The following FTO variants were observed in gnomAD, a reference collection of about 807,000 sequenced individuals.
FTO encodes the protein alpha-ketoglutarate-dependent dioxygenase FTO.
A neutral mutation model predicts 63.9 loss-of-function variants in FTO; 47 were observed. That is an observed-to-expected ratio of 0.74 (90% confidence interval 0.58 to 0.94). The LOEUF is 0.94. FTO is among the 40% of genes least tolerant of loss of function. FTO has a pLI of 0.00. For missense variants in FTO, 562 were observed against 618.1 expected, an observed-to-expected ratio of 0.91 and a Z score of 0.96; for synonymous variants, 207 against 224.4, an observed-to-expected ratio of 0.92 and a Z score of 0.69.
intron 1 of FTO, among the ~76,000 whole-genome samples, chr16:53,770,704 A>C (rs981838658): frequency 1.3e-5 from 2 of 152,112 alleles, no homozygotes; most frequent in African/African-American, 4.8e-5. Context: ...ATCCAAGAAC[A>C]TGAATGATAC....
chr16:53,789,377 TGTGA>T (rs1439478206), intron 1 of FTO, among the ~76,000 whole-genome samples: 2 of 152,248 alleles, frequency 1.3e-5, no homozygotes, highest in Admixed American at 6.5e-5. Context: ...TTAGACTTAA[TGTGA>T]GTAAGATTCC....
chr16:54,091,397 G>A (rs1173128926), intron 8 of FTO, among the ~76,000 whole-genome samples: 6 of 152,052 alleles, frequency 3.9e-5, no homozygotes, highest in South Asian at 2.1e-4. Context: ...AAAATAAGCC[G>A]GAAATGGTGG....
intron 7 of FTO, among the ~76,000 whole-genome samples, chr16:53,896,190 G>T (rs1644204096): frequency 6.6e-6 from 1 of 152,160 alleles, no homozygotes; most frequent in Admixed American, 6.5e-5. Flanking sequence ...GCTTTGACTA[G>T]CAGACTATCA....
rs1267596410 is a variant in FTO at position 54,029,611 on chromosome 16, TA to T, written c.1365-82145del. 2.0e-5 allele frequency among the ~76,000 whole-genome samples: 3 copies of T among 152,148 alleles called. No individual in the cohort carries two copies. The East Asian group carries it at 5.8e-4, about 29-fold the overall frequency. On this transcript the variant is annotated intron_variant, in intron 8 of 8. Coordinates refer to ENST00000471389, the MANE Select transcript of FTO (RefSeq NM_001080432.3). The stretch of plus-strand genomic sequence containing the variant: ...TAAAACATTCTTTGGAAAGATCTTT[TA>T]AAAAATAAGAGGTGTATGTATTTAT...
intron 1 of FTO, among the ~76,000 whole-genome samples, chr16:53,730,560 T>TC (rs2076250068): frequency 6.6e-6 from 1 of 152,088 alleles, no homozygotes; most frequent in Non-Finnish European, 1.5e-5. Context: ...AGTGGCACGA[T>TC]CATGGCTCAC....
intron 8 of FTO, among the ~76,000 whole-genome samples, chr16:54,100,596 G>T (rs1011654557): frequency 1.3e-5 from 2 of 152,090 alleles, no homozygotes; most frequent in Admixed American, 1.3e-4. Context: ...CTTACTATCT[G>T]CCTGCCTCAG....
intron 8 of FTO, among the ~76,000 whole-genome samples, chr16:53,973,268 C>CCCCTTGTCGGACATGGAGCCGT (rs1420872815): frequency 6.6e-6 from 1 of 152,214 alleles, no homozygotes; most frequent in Non-Finnish European, 1.5e-5. Context: ...CAGATGCTCT[C>CCCCTTGTCGGACATGGAGCCGT]CCCTTGTCGG....
intron 2 of FTO, among the ~76,000 whole-genome samples, chr16:53,811,354 A>G (rs145106296): frequency 6.6e-6 from 1 of 152,318 alleles, no homozygotes; most frequent in East Asian, 1.9e-4. Context: ...TTGTATCTCT[A>G]GCACCTGCAT....
intron 8 of FTO, among the ~76,000 whole-genome samples, chr16:54,038,931 C>T (rs2144262587): frequency 6.6e-6 from 1 of 152,352 alleles, no homozygotes; most frequent in Admixed American, 6.5e-5. Flanking sequence ...AATACATCAT[C>T]TGACTTTGAA....
chr16:53,712,405 C>G (rs1024341663), intron 1 of FTO, among the ~76,000 whole-genome samples: 2 of 152,030 alleles, frequency 1.3e-5, no homozygotes, highest in African/African-American at 4.8e-5. Context: ...TTTGCTTAAT[C>G]TCTCCTTCAA....
intron 1 of FTO, among the ~76,000 whole-genome samples, chr16:53,729,483 A>G (rs540949241): frequency 6.7e-6 from 1 of 149,284 alleles, no homozygotes; most frequent in East Asian, 2.0e-4. Context: ...AGCCTGCGTG[A>G]CAGACTGAGA....
intron 8 of FTO, among the ~76,000 whole-genome samples, chr16:54,062,798 A>G (rs1370802289): frequency 6.6e-6 from 1 of 152,214 alleles, no homozygotes; most frequent in South Asian, 2.1e-4. Context: ...GAATCCATAA[A>G]GACAGATAAG....
At chr16:54,010,930 G>A (rs1470609140) in intron 8 of FTO, among the ~76,000 whole-genome samples, 2 of 152,176 alleles carry the variant, frequency 1.3e-5, no homozygotes, top group African/African-American at 4.8e-5. Flanking sequence ...CCTCTGGTAT[G>A]TGCATCCCCG....
intron 2 of FTO, among the ~76,000 whole-genome samples, chr16:53,815,636 G>GTTTTTTTTTTTTTTTTTTTTTTTTT (rs556357629): frequency 3.1e-5 from 3 of 98,184 alleles, no homozygotes; most frequent in African/African-American, 1.6e-4. Context: ...TGACTTTCTT[G>GTTTTTTTTTTTTTTTTTTTTTTTTT]TTTTTTTTTT....
At chr16:53,904,098 A>G (rs1324618681) in intron 7 of FTO, among the ~76,000 whole-genome samples, 1 of 151,940 alleles carries the variant, frequency 6.6e-6, no homozygotes, top group East Asian at 1.9e-4. Context: ...ATGTATATAC[A>G]TATACATATA....
chr16:53,979,059 ATTAGAAATATT>A (rs2083486251), intron 8 of FTO, among the ~76,000 whole-genome samples: 1 of 152,176 alleles, frequency 6.6e-6, no homozygotes, highest in African/African-American at 2.4e-5. Flanking sequence ...TTTGGTTATG[ATTAGAAATATT>A]TCTGTTTTTA....
At chr16:54,015,792 G>A (rs143984838) in intron 8 of FTO, among the ~76,000 whole-genome samples, 4,210 of 152,276 alleles carry the variant, frequency 0.028, 89 homozygotes, top group Middle Eastern at 0.078. Flanking sequence ...GCCAGATAAG[G>A]AAGCTGAGAC....
At chr16:53,807,913 A>G (rs2078413688) in intron 1 of FTO, among the ~76,000 whole-genome samples, 2 of 152,202 alleles carry the variant, frequency 1.3e-5, no homozygotes, top group Non-Finnish European at 1.5e-5. Flanking sequence ...GTTAATACTG[A>G]AAAATAGATA....
At chr16:53,966,054 G>A (rs113128835) in intron 8 of FTO, among the ~76,000 whole-genome samples, 270 of 152,238 alleles carry the variant, frequency 1.8e-3, no homozygotes, top group African/African-American at 6.2e-3. Flanking sequence ...TTTTAGTAGA[G>A]ATGGGGTTTC....
Sources: gnomAD v4.1 joint callset for allele counts (sites outside exome capture counted in the v4.1 genomes callset) on GRCh38, gnomAD v4.1.1 for gene constraint, MANE v1.5 for transcripts, NCBI Gene and HGNC (gene_info 2026-07-23, HGNC 2026-07-21) for gene names.